The following PKD1L3 variants were observed in gnomAD, a reference collection of about 807,000 sequenced individuals.
The protein encoded by PKD1L3 is polycystin 1 like 3, transient receptor potential channel interacting.
In PKD1L3, 239 loss-of-function variants were observed where a neutral mutation model predicts 184.1. The observed-to-expected ratio is 1.30, with a 90% CI of 1.17 to 1.45. The LOEUF is 1.45. Ranked by LOEUF, PKD1L3 falls within the 40% of genes most tolerant of loss-of-function variation. PKD1L3 has a pLI of 0.00. For missense variants in PKD1L3, 2,660 were observed against 2,067.2 expected (o/e 1.29, Z -5.56); for synonymous variants, 996 against 778.8 (o/e 1.28, Z -4.64).
chr16:71,983,921 C>T, intron 6 of PKD1L3, 115 bp downstream of exon 6: 1 of 1,383,126 alleles, frequency 7.2e-7, no homozygotes, highest in Non-Finnish European at 9.6e-7. Context: ...CCTCGGCCTT[C>T]TAAAGTGCTG....
intron 23 of PKD1L3, among the ~76,000 whole-genome samples, chr16:71,943,409 G>C (rs961431971): frequency 6.6e-6 from 1 of 151,792 alleles, no homozygotes; most frequent in South Asian, 2.1e-4. Flanking sequence ...GTGGTGGTCT[G>C]TGCCTGTAAT....
chr16:71,995,512 G>A (rs997444271), intron 2 of PKD1L3, among the ~76,000 whole-genome samples: 6 of 151,916 alleles, frequency 3.9e-5, no homozygotes, highest in Non-Finnish European at 7.4e-5. Flanking sequence ...TTATACGTAC[G>A]TGTATGTATA....
At chr16:71,932,858 C>T (rs1476594698) in intron 28 of PKD1L3, among the ~76,000 whole-genome samples, 1 of 143,278 alleles carries the variant, frequency 7.0e-6, no homozygotes, top group Non-Finnish European at 1.5e-5. Flanking sequence ...TGGCTTATTG[C>T]AGCTTCCAAC....
In PKD1L3 at chr16:71,978,847, A is replaced by G. The variant is rs539575009; in HGVS notation, c.1399-464T>C. On this transcript the variant is annotated intron_variant, in intron 9 of 29. Coordinates refer to ENST00000620267, the MANE Select transcript of PKD1L3 (RefSeq NM_181536.2). ...GAGCTATCATGCCCAGCCGGATATC[A>G]TATATTAAATATTGGGATGTGCCCC... 3.9e-5 allele frequency among the ~76,000 whole-genome samples: 6 copies of G among 152,162 alleles called. No individual in the cohort carries two copies. In the South Asian group the frequency reaches 6.2e-4, roughly 16 times the overall value.
chr16:71,934,058 G>A lies in PKD1L3; in HGVS notation c.4681C>T (p.Leu1561Phe), dbSNP rs1489254382. ...AATHLVGFPV[L>F]LATVQLWNLL... ...TTCCATAACTGAACAGTTGCCAGGA[G>A]AACCGGGAAGCCCACAAGGTGAGTC... The change falls in exon 27 of 30, where the codon CTC becomes TTC. Residue 1561 changes from leucine to phenylalanine, a missense_variant. Leu to Phe is a conservative substitution (Grantham distance 22). Transcript: ENST00000620267. 1 of 1,551,958 alleles carries A rather than the reference G, an allele frequency of 6.4e-7. No homozygotes were observed. Among genetic ancestry groups the A allele is most frequent in the Non-Finnish European group, 8.7e-7 (1 of 1,147,060 alleles).
At position 71,944,120 on chromosome 16, in the gene PKD1L3, A is replaced by G; in HGVS notation, c.3769T>C (p.Tyr1257His). The change falls in exon 23 of 30, where the codon TAT becomes CAT. Residue 1257 changes from tyrosine (Y) to histidine (H), a missense_variant. Coordinates refer to ENST00000620267, the MANE Select transcript of PKD1L3 (RefSeq NM_181536.2). ...GGACTATTTATAGCTGGGGCTACAT[A>G]GACGGGGTTGTTCTTATCTCTTGAA... Reference protein sequence around the residue: ...PGSRDKNNPVYVAPAINSPTK... With the variant: ...PGSRDKNNPVHVAPAINSPTK... 6.4e-7 allele frequency: 1 copy of G among 1,551,644 alleles called. No individual in the cohort carries two copies. Among genetic ancestry groups the G allele is most frequent in the Non-Finnish European group, 8.7e-7 (1 of 1,146,740 alleles).
intron 4 of PKD1L3, among the ~76,000 whole-genome samples, chr16:71,989,318 A>C (rs2143829713): frequency 6.6e-6 from 1 of 152,206 alleles, no homozygotes; most frequent in African/African-American, 2.4e-5. Flanking sequence ...AAGCCTGGCT[A>C]ATTTTTATAC....
chr16:71,990,624 C>T (rs1291468503), intron 3 of PKD1L3, among the ~76,000 whole-genome samples: 1 of 151,938 alleles, frequency 6.6e-6, no homozygotes, highest in Non-Finnish European at 1.5e-5. Flanking sequence ...ATCCCAGCTA[C>T]TCGGGAGGCT....
intron 17 of PKD1L3, 124 bp from the exon 18 acceptor site, chr16:71,953,217 C>T (rs1597311420): frequency 1.2e-6 from 1 of 814,298 alleles, no homozygotes; most frequent in Non-Finnish European, 1.8e-6. Context: ...ATAAAATTAT[C>T]CTGGCAGTAA....
chr16:71,951,525 C>T, intron 19 of PKD1L3, 39 bp downstream of exon 19: 1 of 1,517,040 alleles, frequency 6.6e-7, no homozygotes, highest in Non-Finnish European at 8.9e-7. Flanking sequence ...GAGTGGGAGG[C>T]AGATGGAAGA....
At chr16:71,995,330 C>T (rs1210005738) in intron 2 of PKD1L3, among the ~76,000 whole-genome samples, 2 of 152,188 alleles carry the variant, frequency 1.3e-5, no homozygotes, top group Non-Finnish European at 2.9e-5. Context: ...GGAAGGGGCA[C>T]ATTCAAACCA....
In PKD1L3 at chr16:71,967,164, T is replaced by C; in HGVS notation, c.2438A>G (p.His813Arg). 6.4e-7 allele frequency: 1 copy of C among 1,551,702 alleles called. No homozygotes were observed. The highest frequency in any genetic ancestry group is 1.7e-4 in the Middle Eastern group (1 of 5,994). Residue 813 changes from histidine to arginine, a missense_variant, in exon 15 of 30, where the codon CAT (histidine) becomes CGT (arginine). Transcript: ENST00000620267. ...LGNLHSLRLW[H>R]DNSGVSPSWY... ...GGAGGGACTGACGCCAGAATTGTCA[T>C]GCCAGAGCCGAAGGCTGTGCAGGTT...
intron 9 of PKD1L3, among the ~76,000 whole-genome samples, chr16:71,978,938 G>C (rs2040041325): frequency 6.6e-6 from 1 of 152,182 alleles, no homozygotes; most frequent in East Asian, 1.9e-4. Context: ...GTAAATTAAA[G>C]ATGAATTATC....
chr16:71,977,615 T>C, intron 10 of PKD1L3, 148 bp from the exon 11 acceptor site: 1 of 635,502 alleles, frequency 1.6e-6, no homozygotes, highest in Non-Finnish European at 2.7e-6. Context: ...CACGTTGGTC[T>C]TGAACTCCTG....
chr16:71,989,289 G>C (rs112691025), intron 4 of PKD1L3, among the ~76,000 whole-genome samples: 3 of 152,154 alleles, frequency 2.0e-5, no homozygotes, highest in Admixed American at 1.3e-4. Context: ...CAAGTAGCTG[G>C]GATTACAGGC....
In PKD1L3 at chr16:71,980,222, A is replaced by T; in HGVS notation, c.1144-88T>A. On this transcript the variant is annotated intron_variant, in intron 7 of 29. Transcript: ENST00000620267. ...ATGTTTTGGAGAAGATTGGAAGGGGAATTTTCACAGTGTTGTAATGAAGGG... is the reference window on the plus strand; with the variant it reads ...ATGTTTTGGAGAAGATTGGAAGGGGTATTTTCACAGTGTTGTAATGAAGGG... The T allele has an allele frequency of 2.1e-6, 3 of 1,446,234 alleles. No homozygotes were observed. In the Admixed American group the frequency reaches 6.3e-5, roughly 30 times the overall value. 89.6% of individuals were successfully genotyped at this position (1,446,234 alleles called of 1,614,324 possible).
At chr16:71,952,757 G>A (rs969454262) in intron 18 of PKD1L3, 137 bp downstream of exon 18, 8 of 852,978 alleles carry the variant, frequency 9.4e-6, no homozygotes, top group Non-Finnish European at 1.4e-5. Flanking sequence ...GACCACTTGA[G>A]CCGGGAGTTT....
chr16:71,984,282 C>A, intron 5 of PKD1L3, 115 bp from the exon 6 acceptor site: 1 of 1,006,708 alleles, frequency 9.9e-7, no homozygotes, highest in Non-Finnish European at 1.4e-6. Context: ...ACCCTATGAA[C>A]CACAGCTCTC....
intron 13 of PKD1L3, 39 bp from the exon 14 acceptor site, chr16:71,968,046 C>T (rs962143511): frequency 6.1e-6 from 9 of 1,477,866 alleles, no homozygotes; most frequent in Non-Finnish European, 7.4e-6. Flanking sequence ...ACTAGGCCTC[C>T]ACTTGGTATA....
Sources: gnomAD v4.1 joint callset for allele counts (sites outside exome capture counted in the v4.1 genomes callset) on GRCh38, gnomAD v4.1.1 for gene constraint, MANE v1.5 for transcripts, NCBI Gene and HGNC (gene_info 2026-07-23, HGNC 2026-07-21) for gene names.